ASAP2: variants seen among roughly 807,000 people sequenced by gnomAD.
ASAP2 encodes ArfGAP with SH3 domain, ankyrin repeat and PH domain 2.
Under a neutral mutation model 131.4 loss-of-function variants are expected in ASAP2, and 45 were observed. That is an observed-to-expected ratio of 0.34 (90% CI 0.27 to 0.44). The LOEUF (loss-of-function observed/expected upper bound fraction) is 0.44, where lower values mean the gene tolerates loss of function less well. Ranked by LOEUF, ASAP2 falls within the 20% of genes least tolerant of loss-of-function variation. The probability of loss-of-function intolerance (pLI) is 1.00; values close to 1 mark genes in which losing one functional copy is unlikely to be tolerated. For synonymous variants in ASAP2, 510 were observed against 503.0 expected (o/e 1.01, Z -0.19); for missense variants, 1,011 against 1,297.0 (o/e 0.78, Z 3.39).
At position 9,367,111 on chromosome 2, in the gene ASAP2, A is replaced by G. The variant is rs186856130; in HGVS notation, c.1462-1314A>G. 2.6e-3 allele frequency among the ~76,000 whole-genome samples: 388 copies of G among 147,342 alleles called. 2 individuals carry two copies. The highest frequency in any genetic ancestry group is 9.6e-3 in the African/African-American group (373 of 39,014). Reference sequence around the variant, plus strand: ...AGTGGTGTGATCTCGGCTCACTGCAATCTTCACCTCCTGGATTCAAGCAAT... The same window carrying G: ...AGTGGTGTGATCTCGGCTCACTGCAGTCTTCACCTCCTGGATTCAAGCAAT... On this transcript the variant is annotated intron_variant, in intron 15 of 27. Coordinates refer to ENST00000281419, the MANE Select transcript of ASAP2 (RefSeq NM_003887.3).
Position 9,393,524 on chromosome 2 carries a change from C to T in ASAP2, c.2561C>T (p.Pro854Leu). The T allele has an allele frequency of 1.2e-6, 2 of 1,604,994 alleles. No individual in the cohort carries two copies. Among genetic ancestry groups the T allele is most frequent in the Non-Finnish European group, 8.5e-7 (1 of 1,176,482 alleles). ...CCGCCCCCACCCGTTGCCAAGACGC[C>T]CAGCGTAATGGAAGCCTTGAGCCAG... ...PTPPPPVAKT[P>L]SVMEALSQPS... The change falls in exon 24 of 28, where the codon CCC (proline) becomes CTC (leucine). Residue 854 changes from proline to leucine, a missense_variant. Transcript: ENST00000281419.
intron 18 of ASAP2, among the ~76,000 whole-genome samples, chr2:9,378,027 CT>C (rs957832143): frequency 6.6e-6 from 1 of 152,132 alleles, no homozygotes; most frequent in Admixed American, 6.5e-5. Flanking sequence ...GTCCCAGTTT[CT>C]TTTTTTCCAG....
intron 6 of ASAP2, among the ~76,000 whole-genome samples, chr2:9,323,478 A>G (rs1670282174): frequency 6.6e-6 from 1 of 152,246 alleles, no homozygotes; most frequent in Admixed American, 6.5e-5. Context: ...GAGAAAAACC[A>G]CTAAATGTCT....
In ASAP2 at chr2:9,405,553, A is replaced by G. The variant is rs1181463386; in HGVS notation, c.*2226A>G. On this transcript the variant is annotated 3_prime_UTR_variant, in exon 28 of 28. Transcript: ENST00000281419. ...GTTGCAGCACAACTGTATATATTGT[A>G]TAACCGAAATTGATTATTTTCATTG... The G allele has an allele frequency of 5.9e-5, 9 of 152,662 alleles. No homozygotes were observed. The highest frequency in any genetic ancestry group is 1.3e-4 in the Non-Finnish European group (9 of 68,052). 9.5% of individuals were successfully genotyped at this position (152,662 alleles called of 1,614,324 possible). A position where few individuals can be genotyped will look rare whatever the true frequency, so the allele number is the denominator to read the frequency against.
chr2:9,277,037 T>G (rs1666804204), intron 1 of ASAP2, among the ~76,000 whole-genome samples: 1 of 152,148 alleles, frequency 6.6e-6, no homozygotes, highest in Non-Finnish European at 1.5e-5. Flanking sequence ...CAGATCCTGC[T>G]GGAGCCAATG....
At chr2:9,320,901 A>C (rs1670110707) in intron 5 of ASAP2, among the ~76,000 whole-genome samples, 1 of 152,228 alleles carries the variant, frequency 6.6e-6, no homozygotes, top group Non-Finnish European at 1.5e-5. Context: ...TCCTGACCCG[A>C]AGTCAACCAA....
In ASAP2 at chr2:9,280,016, A is replaced by G. The variant is rs775785998; in HGVS notation, c.199+627A>G. ...TTTTTAAAAGTCGTTAAGTGACTAT[A>G]TAGTTTCATTCAGCAACAAAAAGGT... On this transcript the variant is annotated intron_variant, in intron 2 of 27. Transcript: ENST00000281419. 1.1e-4 allele frequency among the ~76,000 whole-genome samples: 17 copies of G among 152,338 alleles called. No homozygotes were observed. In the South Asian group the frequency reaches 3.1e-3, roughly 28 times the overall value.
chr2:9,375,005 G>A, intron 17 of ASAP2, 61 bp downstream of exon 17: 1 of 1,474,678 alleles, frequency 6.8e-7, no homozygotes, highest in South Asian at 1.4e-5. Context: ...GGTGGCTCAT[G>A]CCTGGGATCC....
intron 1 of ASAP2, among the ~76,000 whole-genome samples, chr2:9,254,709 GA>G (rs1040771081): frequency 2.9e-4 from 42 of 146,404 alleles, no homozygotes; most frequent in African/African-American, 5.3e-4. Flanking sequence ...TGTGTGTATA[GA>G]AAAAAAAAAC....
intron 1 of ASAP2, among the ~76,000 whole-genome samples, chr2:9,243,587 T>C (rs76671984): frequency 0.012 from 1,838 of 152,294 alleles, 27 homozygotes; most frequent in African/African-American, 0.042. Context: ...CTAGGTCTAG[T>C]TTGGTGGAAA....
chr2:9,369,033 T>C (rs1373941814), intron 16 of ASAP2, among the ~76,000 whole-genome samples: 1 of 150,146 alleles, frequency 6.7e-6, no homozygotes, highest in African/African-American at 2.5e-5. Context: ...TTTTTTTTTC[T>C]GGGAGACGGA....
In ASAP2 at chr2:9,356,305, G is replaced by C; in HGVS notation, c.1287G>C (p.Arg429Ser). 2 of 1,612,338 alleles carry C rather than the reference G, an allele frequency of 1.2e-6. No homozygotes were observed. The highest frequency in any genetic ancestry group is 1.7e-6 in the Non-Finnish European group (2 of 1,179,142). ...AGGAGATCATCTCAGAAGTGCAGAG[G>C]ATGACGGGCAATGACGTCTGCTGTG... Reference protein sequence around the residue: ...LTKEIISEVQRMTGNDVCCDC... With the variant: ...LTKEIISEVQSMTGNDVCCDC... The change falls in exon 14 of 28, where the codon AGG becomes AGC. Residue 429 changes from arginine (R) to serine (S), a missense_variant. By Grantham distance (110) the Arg-to-Ser change is moderately radical. This residue lies in a region of ASAP2 where 359 missense variants were observed against 598.1 expected (regional missense o/e 0.60). Coordinates refer to ENST00000281419, the MANE Select transcript of ASAP2 (RefSeq NM_003887.3).
At position 9,270,784 on chromosome 2, in the gene ASAP2, C is replaced by CTTTTTTTTTTTTTTT. The variant is rs1666294703; in HGVS notation, c.127-8533_127-8532insTTTTTTTTTTTTTTT. Among the ~76,000 whole-genome samples the CTTTTTTTTTTTTTTT allele has an allele frequency of 3.4e-4, 24 of 69,722 alleles. 2 individuals are homozygous for CTTTTTTTTTTTTTTT. The highest frequency in any genetic ancestry group is 4.3e-4 in the Non-Finnish European group (14 of 32,438). 45.7% of individuals were successfully genotyped at this position (69,722 alleles called of 152,430 possible). On this transcript the variant is annotated intron_variant, in intron 1 of 27. Coordinates refer to ENST00000281419, the MANE Select transcript of ASAP2 (RefSeq NM_003887.3). Reference sequence around the variant, plus strand: ...CAGTCTCCATGAGTTCAATTGTTTTCATTTTTTTTTTTTTTTTTTTTTTTT... The same window carrying CTTTTTTTTTTTTTTT: ...CAGTCTCCATGAGTTCAATTGTTTTCTTTTTTTTTTTTTTTATTTTTTTTTTTTTTTTTTTTTTTT...
intron 15 of ASAP2, among the ~76,000 whole-genome samples, chr2:9,364,995 G>GC (rs1331037206): frequency 2.0e-5 from 3 of 151,916 alleles, no homozygotes; most frequent in Admixed American, 6.6e-5. Context: ...TTTTTTTAAA[G>GC]CCAAGATTCT....
intron 1 of ASAP2, among the ~76,000 whole-genome samples, chr2:9,278,899 G>C (rs1254068015): frequency 6.6e-6 from 1 of 151,236 alleles, no homozygotes. Flanking sequence ...GGGCTCTATA[G>C]GGGGAAGGGG....
At chr2:9,340,319 C>A (rs2148587161) in intron 9 of ASAP2, among the ~76,000 whole-genome samples, 1 of 152,302 alleles carries the variant, frequency 6.6e-6, no homozygotes, top group East Asian at 1.9e-4. Context: ...CCGCGCCCGG[C>A]CAGCCATGTC....
At chr2:9,248,108 G>A (rs566948342) in intron 1 of ASAP2, among the ~76,000 whole-genome samples, 41 of 152,266 alleles carry the variant, frequency 2.7e-4, no homozygotes, top group African/African-American at 9.6e-4. Flanking sequence ...GAAGGGGGGC[G>A]GCTGACAGCA....
At chr2:9,372,835 T>C (rs1674083945) in intron 16 of ASAP2, among the ~76,000 whole-genome samples, 1 of 151,996 alleles carries the variant, frequency 6.6e-6, no homozygotes, top group Non-Finnish European at 1.5e-5. Context: ...CAGTGGGGCC[T>C]TTGAGACACA....
intron 1 of ASAP2, among the ~76,000 whole-genome samples, chr2:9,229,169 C>G (rs1282904269): frequency 6.6e-6 from 1 of 152,160 alleles, no homozygotes; most frequent in Non-Finnish European, 1.5e-5. Context: ...CATCATCACA[C>G]TTAACTTCAG....
Sources: gnomAD v4.1 joint callset for allele counts (sites outside exome capture counted in the v4.1 genomes callset) on GRCh38, gnomAD v4.1.1 for gene constraint, gnomAD v4.1.1 regional missense constraint, MANE v1.5 for transcripts, NCBI Gene and HGNC (gene_info 2026-07-23, HGNC 2026-07-21) for gene names.